The following SEMA3D variants were observed in gnomAD, a reference collection of about 807,000 sequenced individuals.
SEMA3D encodes semaphorin-3D.
In SEMA3D, 84 loss-of-function variants were observed where a neutral mutation model predicts 100.1. The observed-to-expected ratio is 0.84, with a 90% CI of 0.70 to 1.01. The LOEUF is 1.01. Ranked by LOEUF, SEMA3D falls within the 50% of genes least tolerant of loss-of-function variation. The probability of loss-of-function intolerance (pLI) is 0.00; values close to 1 mark genes in which losing one functional copy is unlikely to be tolerated. For synonymous variants in SEMA3D, 312 were observed against 320.7 expected, an observed-to-expected ratio of 0.97 and a Z score of 0.29; for missense variants, 875 against 934.1, an observed-to-expected ratio of 0.94 and a Z score of 0.82.
chr7:85,102,703 C>T (rs1407575312), intron 3 of SEMA3D, among the ~76,000 whole-genome samples: 3 of 151,978 alleles, frequency 2.0e-5, no homozygotes, highest in African/African-American at 7.2e-5. Flanking sequence ...GGAAGACTAT[C>T]CAGAGGTTCT....
intron 2 of SEMA3D, among the ~76,000 whole-genome samples, chr7:85,148,890 C>T (rs1458198977): frequency 6.6e-6 from 1 of 151,960 alleles, no homozygotes; most frequent in Admixed American, 6.6e-5. Flanking sequence ...ATTTGAGAAA[C>T]TTTCAGGTGA....
Position 85,155,902 on chromosome 7 carries a change from A to G in SEMA3D, c.-172-2163T>C, listed in dbSNP as rs555550746. On this transcript the variant is annotated intron_variant, in intron 1 of 18. Coordinates refer to ENST00000284136, the MANE Select transcript of SEMA3D (RefSeq NM_001384900.1). ...GAATGAACAATATGACTTATGTCAC[A>G]CTTACACAATTCCCTTTATTTTAGC... Among the ~76,000 whole-genome samples the G allele has an allele frequency of 2.0e-5, 3 of 152,220 alleles. No individual in the cohort carries two copies. In the South Asian group the frequency reaches 6.2e-4, roughly 32 times the overall value.
Position 85,153,677 on chromosome 7 carries a change from GTA to G in SEMA3D, c.-112_-111del, listed in dbSNP as rs1790499727. The stretch of plus-strand genomic sequence containing the variant: ...GTGAAGATCCAGGAGAACCAACAGT[GTA>G]TGTTCAAAAGCCTGGCAACCAGGAC... On this transcript the variant is annotated 5_prime_UTR_variant, in exon 2 of 19. Coordinates refer to ENST00000284136, the MANE Select transcript of SEMA3D (RefSeq NM_001384900.1). The G allele has an allele frequency of 6.6e-6, 1 of 152,132 alleles. No homozygotes were observed. Among genetic ancestry groups the G allele is most frequent in the African/African-American group, 2.4e-5 (1 of 41,424 alleles). 9.4% of individuals were successfully genotyped at this position (152,132 alleles called of 1,614,324 possible).
rs1176566634 is a variant in SEMA3D at position 85,015,200 on chromosome 7, C to G, written c.1562G>C (p.Gly521Ala). Residue 521 changes from glycine (G) to alanine (A), a missense_variant, in exon 16 of 19, where the codon GGT (glycine) becomes GCT (alanine). Transcript: ENST00000284136. The part of the protein sequence containing the change: ...LSLKQQQLYI[G>A]SRDGLVQLSL... ...GAGCTGAACCAATCCATCTCGGGAA[C>G]CAATGTACAATTGTTGCTGCAAATC... The G allele has an allele frequency of 3.7e-6, 6 of 1,609,236 alleles. No individual in the cohort carries two copies. The highest frequency in any genetic ancestry group is 4.2e-6 in the Non-Finnish European group (5 of 1,176,548).
chr7:85,166,811 A>C (rs1160027475), intron 1 of SEMA3D, among the ~76,000 whole-genome samples: 1 of 151,964 alleles, frequency 6.6e-6, no homozygotes, highest in African/African-American at 2.4e-5. Flanking sequence ...TAAGGGAAAA[A>C]ATAAAAAATG....
At chr7:85,011,284 A>G (rs1401679906) in intron 17 of SEMA3D, among the ~76,000 whole-genome samples, 1 of 151,798 alleles carries the variant, frequency 6.6e-6, no homozygotes, top group East Asian at 1.9e-4. Flanking sequence ...TGAGAACCGA[A>G]AATTGGCCGT....
intron 2 of SEMA3D, among the ~76,000 whole-genome samples, chr7:85,146,711 C>T (rs1790216015): frequency 6.6e-6 from 1 of 151,966 alleles, no homozygotes; most frequent in Non-Finnish European, 1.5e-5. Context: ...AAGACACAAG[C>T]ACCAGTCTTC....
At chr7:85,196,620 G>A in the SEMA3D span, among the ~76,000 whole-genome samples, 4 of 152,026 alleles carry the variant, frequency 2.6e-5, no homozygotes, top group Non-Finnish European at 5.9e-5. Flanking sequence ...TGAGAAAAAG[G>A]CAACCTAGTA....
chr7:85,195,948 T>G, the SEMA3D span, among the ~76,000 whole-genome samples: 6 of 152,268 alleles, frequency 3.9e-5, no homozygotes, highest in East Asian at 5.8e-4. Context: ...ATGGAACACT[T>G]AGTTACACAA....
chr7:85,050,697 A>G (rs1179161722), intron 9 of SEMA3D: 1 of 497,350 alleles, frequency 2.0e-6, no homozygotes, highest in Non-Finnish European at 3.6e-6. Context: ...ATACAGCTCC[A>G]AATTACTTTG....
chr7:85,010,602 A>G (rs1161241462), intron 17 of SEMA3D, among the ~76,000 whole-genome samples: 1 of 151,836 alleles, frequency 6.6e-6, no homozygotes, highest in Non-Finnish European at 1.5e-5. Flanking sequence ...AAAATAATAT[A>G]AAAGTGACTC....
intron 3 of SEMA3D, among the ~76,000 whole-genome samples, chr7:85,113,057 T>TC (rs544021206): frequency 6.6e-6 from 1 of 152,120 alleles, no homozygotes; most frequent in Non-Finnish European, 1.5e-5. Flanking sequence ...AGTATAAATA[T>TC]CCCCAACACA....
At chr7:85,230,168 T>A in the SEMA3D span, among the ~76,000 whole-genome samples, 1 of 150,448 alleles carries the variant, frequency 6.6e-6, no homozygotes, top group South Asian at 2.1e-4. Context: ...TTCTCTTGAA[T>A]CAGATTTTTG....
chr7:85,164,080 A>G (rs1479796465), intron 1 of SEMA3D, among the ~76,000 whole-genome samples: 1 of 152,136 alleles, frequency 6.6e-6, no homozygotes, highest in African/African-American at 2.4e-5. Context: ...AGTTTGCAAT[A>G]AAGTTGATGC....
At chr7:85,123,875 T>C (rs1789496749) in intron 2 of SEMA3D, among the ~76,000 whole-genome samples, 1 of 152,080 alleles carries the variant, frequency 6.6e-6, no homozygotes, top group South Asian at 2.1e-4. Flanking sequence ...GCATATTTTA[T>C]TTACATTTAA....
At chr7:85,058,411 T>A (rs557609550) in intron 8 of SEMA3D, among the ~76,000 whole-genome samples, 8 of 152,210 alleles carry the variant, frequency 5.3e-5, no homozygotes, top group South Asian at 2.1e-4. Context: ...TCTTTTTTTT[T>A]AATCGCAAAC....
At chr7:85,228,468 A>T in the SEMA3D span, among the ~76,000 whole-genome samples, 1 of 152,156 alleles carries the variant, frequency 6.6e-6, no homozygotes, top group Non-Finnish European at 1.5e-5. Flanking sequence ...AAGACTTCAC[A>T]AATATCTACT....
chr7:85,028,296 C>T, intron 12 of SEMA3D: 1 of 697,592 alleles, frequency 1.4e-6, no homozygotes, highest in Non-Finnish European at 2.6e-6. Context: ...AGCATCAGGG[C>T]TATCAAAGAT....
Position 85,065,507 on chromosome 7 carries a change from TC to T in SEMA3D, c.634del (p.Asp212IlefsTer79). 7 of 1,613,094 alleles carry T rather than the reference TC, an allele frequency of 4.3e-6. No homozygotes were observed. The highest frequency in any genetic ancestry group is 5.1e-6 in the Non-Finnish European group (6 of 1,179,186). ...CCCAAGGGATCGAGTGAATGCAGTATCTTTGCCAAGGAAATCAGAAGCTGTT... is the reference window on the plus strand; with the variant it reads ...CCCAAGGGATCGAGTGAATGCAGTATTTTGCCAAGGAAATCAGAAGCTGTT... ...SGTASDFLGK[D>X]TAFTRSLGPT... On this transcript the variant is annotated frameshift_variant, in exon 8 of 19. Transcript: ENST00000284136. LOFTEE classifies it high-confidence loss of function.
Sources: gnomAD v4.1 joint callset for allele counts (sites outside exome capture counted in the v4.1 genomes callset) on GRCh38, gnomAD v4.1.1 for gene constraint, MANE v1.5 for transcripts, NCBI Gene and HGNC (gene_info 2026-07-23, HGNC 2026-07-21) for gene names.